Variants in CORIN observed in about 807,000 individuals in gnomAD.
The protein encoded by CORIN is corin, serine peptidase.
CORIN carries 117 observed loss-of-function variants against 125.3 expected under a neutral mutation model. The observed-to-expected ratio is 0.93, with a 90% confidence interval of 0.80 to 1.09. The LOEUF is 1.09. Among genes scored for constraint, CORIN ranks in the 50% least tolerant of loss-of-function variants. The pLI, the probability that CORIN is intolerant of heterozygous loss-of-function variation, is 0.00. For missense variants in CORIN, 1,253 were observed against 1,306.7 expected, an observed-to-expected ratio of 0.96 and a Z score of 0.63; for synonymous variants, 450 against 466.4, an observed-to-expected ratio of 0.96 and a Z score of 0.45.
chr4:47,803,860 C>A lies in CORIN; in HGVS notation c.208+3043G>T, dbSNP rs138335967. 8.3e-3 allele frequency among the ~76,000 whole-genome samples: 1,270 copies of A among 152,178 alleles called. 18 individuals are homozygous for A. Among genetic ancestry groups the A allele is most frequent in the African/African-American group, 0.029 (1,198 of 41,518 alleles). Reference sequence around the variant, plus strand: ...AAAGCAAAAATGAACAGCTGGGATCCCATCAAGTTACAAAGCTCCTGCACA... The same window carrying A: ...AAAGCAAAAATGAACAGCTGGGATCACATCAAGTTACAAAGCTCCTGCACA... On this transcript the variant is annotated intron_variant, in intron 2 of 21. Coordinates refer to ENST00000273857, the MANE Select transcript of CORIN (RefSeq NM_006587.4).
intron 19 of CORIN, among the ~76,000 whole-genome samples, chr4:47,609,175 T>C (rs1275774040): frequency 6.6e-6 from 1 of 152,148 alleles, no homozygotes; most frequent in African/African-American, 2.4e-5. Context: ...TCATTGCTGT[T>C]CTACAAATCT....
intron 6 of CORIN, 144 bp from the exon 7 acceptor site, chr4:47,683,982 C>T (rs1057256951): frequency 3.4e-6 from 2 of 584,950 alleles, no homozygotes; most frequent in African/African-American, 3.7e-5. Flanking sequence ...GAGAAGGTGG[C>T]ACACAGAGAT....
At chr4:47,684,417 T>C (rs971003350) in intron 6 of CORIN, among the ~76,000 whole-genome samples, 7 of 152,198 alleles carry the variant, frequency 4.6e-5, no homozygotes, top group Admixed American at 3.3e-4. Flanking sequence ...AGTTTAATGT[T>C]GAAATAAACA....
intron 3 of CORIN, among the ~76,000 whole-genome samples, chr4:47,777,653 C>T (rs1193557870): frequency 6.6e-6 from 1 of 152,038 alleles, no homozygotes; most frequent in Non-Finnish European, 1.5e-5. Flanking sequence ...TCAAACACCA[C>T]ATGTGAATAT....
intron 4 of CORIN, among the ~76,000 whole-genome samples, chr4:47,761,648 T>C (rs1351338691): frequency 2.0e-5 from 3 of 152,184 alleles, no homozygotes; most frequent in Non-Finnish European, 4.4e-5. Flanking sequence ...ATCTCATTCA[T>C]ATATAGAGTA....
chr4:47,723,298 G>A (rs1054636285), intron 5 of CORIN, among the ~76,000 whole-genome samples: 3 of 152,180 alleles, frequency 2.0e-5, no homozygotes, highest in African/African-American at 7.2e-5. Context: ...CAGAGAAGAG[G>A]GAGCTTGAGA....
chr4:47,719,400 C>T (rs2109793812), intron 5 of CORIN, among the ~76,000 whole-genome samples: 1 of 152,284 alleles, frequency 6.6e-6, no homozygotes, highest in African/African-American at 2.4e-5. Context: ...ATGAATAGTG[C>T]ATAGTTACCG....
At chr4:47,600,431 G>T (rs1721408619) in intron 20 of CORIN, 84 bp from the exon 21 acceptor site, 1 of 819,168 alleles carries the variant, frequency 1.2e-6, no homozygotes, top group Non-Finnish European at 1.8e-6. Flanking sequence ...AATATGAAAT[G>T]CAAATATAAT....
chr4:47,817,630 G>A (rs144134294), intron 1 of CORIN, among the ~76,000 whole-genome samples: 3 of 152,336 alleles, frequency 2.0e-5, no homozygotes, highest in African/African-American at 4.8e-5. Context: ...AGAAGTAGAT[G>A]TGAGCTTCTA....
intron 1 of CORIN, among the ~76,000 whole-genome samples, chr4:47,820,253 T>C (rs1210226179): frequency 1.3e-5 from 2 of 150,478 alleles, no homozygotes; most frequent in African/African-American, 5.0e-5. Flanking sequence ...ATCCTGGAAA[T>C]TAGGGTTAGA....
At chr4:47,658,571 TA>T (rs1372022739) in intron 12 of CORIN, among the ~76,000 whole-genome samples, 1 of 152,212 alleles carries the variant, frequency 6.6e-6, no homozygotes, top group Non-Finnish European at 1.5e-5. Context: ...GAGCCATGGC[TA>T]AAGGTAGAGC....
At chr4:47,723,073 T>G (rs1167581920) in intron 5 of CORIN, among the ~76,000 whole-genome samples, 1 of 151,488 alleles carries the variant, frequency 6.6e-6, no homozygotes, top group Non-Finnish European at 1.5e-5. Flanking sequence ...GGACGGGGAG[T>G]CCCCTGAGAC....
At chr4:47,606,423 AT>A (rs952687481) in intron 19 of CORIN, among the ~76,000 whole-genome samples, 1 of 151,848 alleles carries the variant, frequency 6.6e-6, no homozygotes, top group Admixed American at 6.6e-5. Flanking sequence ...ATCTGACTAA[AT>A]TTTTTTGGAA....
intron 6 of CORIN, among the ~76,000 whole-genome samples, chr4:47,691,756 T>G (rs1725782509): frequency 6.6e-6 from 1 of 151,966 alleles, no homozygotes; most frequent in Admixed American, 6.6e-5. Flanking sequence ...CAAGCATTAT[T>G]CCAGACTCAG....
intron 1 of CORIN, among the ~76,000 whole-genome samples, chr4:47,808,919 T>C (rs905179855): frequency 6.6e-6 from 1 of 152,204 alleles, no homozygotes; most frequent in African/African-American, 2.4e-5. Flanking sequence ...CACAGTCTTG[T>C]AGGAGAGATG....
At chr4:47,721,175 A>T (rs918109962) in intron 5 of CORIN, among the ~76,000 whole-genome samples, 2 of 152,078 alleles carry the variant, frequency 1.3e-5, no homozygotes, top group African/African-American at 2.4e-5. Context: ...ACAGAGAGAG[A>T]GAGAGAGAGA....
intron 16 of CORIN, among the ~76,000 whole-genome samples, chr4:47,639,622 T>C (rs2109602417): frequency 6.6e-6 from 1 of 152,292 alleles, no homozygotes. Flanking sequence ...CCATTCCCAC[T>C]TCCCTCCTTG....
chr4:47,646,829 G>T (rs949069883), intron 13 of CORIN, among the ~76,000 whole-genome samples: 1 of 152,144 alleles, frequency 6.6e-6, no homozygotes, highest in East Asian at 1.9e-4. Context: ...CAATGTTATT[G>T]TTCATCTAAC....
intron 16 of CORIN, among the ~76,000 whole-genome samples, chr4:47,629,565 A>G (rs908245601): frequency 6.6e-6 from 1 of 152,202 alleles, no homozygotes; most frequent in African/African-American, 2.4e-5. Flanking sequence ...CATATCAACA[A>G]TTATAAAATG....
Sources: gnomAD v4.1 joint callset for allele counts (sites outside exome capture counted in the v4.1 genomes callset) on GRCh38, gnomAD v4.1.1 for gene constraint, MANE v1.5 for transcripts, NCBI Gene and HGNC (gene_info 2026-07-23, HGNC 2026-07-21) for gene names.